The following PIEZO2 variants were observed in gnomAD, a reference collection of about 807,000 sequenced individuals.
The protein encoded by PIEZO2 is piezo type mechanosensitive ion channel component 2.
In PIEZO2, 172 loss-of-function variants were observed where a neutral mutation model predicts 337.3. The ratio of observed to expected loss-of-function variants is 0.51; its 90% CI spans 0.45 to 0.58. The LOEUF (loss-of-function observed/expected upper bound fraction) is 0.58. PIEZO2 is among the 20% of genes least tolerant of loss of function. The pLI is 0.00. For synonymous variants in PIEZO2, 1,251 were observed against 1,228.5 expected (o/e 1.02, Z -0.38); for missense variants, 3,028 against 3,391.3 (o/e 0.89, Z 2.66).
chr18:11,084,422 T>C (rs1182010465), intron 1 of PIEZO2, among the ~76,000 whole-genome samples: 1 of 152,126 alleles, frequency 6.6e-6, no homozygotes, highest in Non-Finnish European at 1.5e-5. Context: ...ATCATTCTTC[T>C]TTCAGGGAAG....
rs371228604 is a variant in PIEZO2, at chr18:11,015,084, G to A, written c.161-35424C>T. On this transcript the variant is annotated intron_variant, in intron 2 of 55. Transcript: ENST00000674853. ...GTGTGGGGAAGATGTCACCCTGGGC[G>A]GGACAGCGATCCGGGGCCCCCCTCA... Among the ~76,000 whole-genome samples, 802 of 125,884 alleles carry A rather than the reference G, an allele frequency of 6.4e-3. 18 individuals carry two copies. Among genetic ancestry groups the A allele is most frequent in the Middle Eastern group, 0.024 (4 of 164 alleles). The allele number at this position is 125,884 out of a possible 152,430, so 82.6% of individuals were successfully genotyped here. A position where few individuals can be genotyped will look rare whatever the true frequency, so the allele number is the denominator to read the frequency against.
chr18:11,013,697 T>C (rs1019023815), intron 2 of PIEZO2, among the ~76,000 whole-genome samples: 3 of 152,192 alleles, frequency 2.0e-5, no homozygotes, highest in African/African-American at 7.2e-5. Context: ...TGCAACATTC[T>C]AATTCATTAG....
At chr18:10,825,139 C>T (rs1229426783) in intron 7 of PIEZO2, among the ~76,000 whole-genome samples, 1 of 152,170 alleles carries the variant, frequency 6.6e-6, no homozygotes, top group Non-Finnish European at 1.5e-5. Flanking sequence ...GCTGGGATTA[C>T]AGGAGTGAGC....
chr18:10,704,290 G>T, intron 42 of PIEZO2, 104 bp downstream of exon 42: 1 of 1,391,328 alleles, frequency 7.2e-7, no homozygotes, highest in Non-Finnish European at 9.5e-7. Context: ...AAACTGTCTG[G>T]GATCAGGGCA....
intron 33 of PIEZO2, among the ~76,000 whole-genome samples, chr18:10,737,245 C>T (rs2037034327): frequency 7.2e-6 from 1 of 139,076 alleles, no homozygotes; most frequent in Non-Finnish European, 1.5e-5. Context: ...GACTTCTCCA[C>T]ATGTAACACA....
Position 11,033,330 on chromosome 18 carries a change from C to T in PIEZO2, c.160+32797G>A, listed in dbSNP as rs12962356. Among the ~76,000 whole-genome samples the T allele has an allele frequency of 0.055, 8,351 of 152,322 alleles. 290 individuals are homozygous for T. Among genetic ancestry groups the T allele is most frequent in the East Asian group, 0.12 (613 of 5,172 alleles). On this transcript the variant is annotated intron_variant, in intron 2 of 55. Transcript: ENST00000674853. The surrounding 1 kb of genome is among the most constrained non-coding windows in gnomAD (Gnocchi z 4.2). ...GACACTAGACCACCAGGACTTAGGG[C>T]AGGACTCCAGCCAGAGTGCAAGATC...
chr18:11,088,902 G>T (rs921369620), intron 1 of PIEZO2, among the ~76,000 whole-genome samples: 1 of 152,200 alleles, frequency 6.6e-6, no homozygotes, highest in Non-Finnish European at 1.5e-5. Context: ...GACTGAGACT[G>T]GGGATGAAGA....
intron 36 of PIEZO2, among the ~76,000 whole-genome samples, chr18:10,731,177 TTATATATATATA>T (rs60508630): frequency 2.3e-3 from 81 of 35,240 alleles, no homozygotes; most frequent in African/African-American, 7.9e-3. Flanking sequence ...ACTTAAAAGA[TTATATATATATA>T]TATATATATA....
chr18:10,752,918 A>G lies in PIEZO2; in HGVS notation c.3924-39T>C, dbSNP rs540167498. ...CCAGTGACAAAAAGACAACAACAAC[A>G]AAACAAACAAAAGCAAAATCAGGAA... On this transcript the variant is annotated intron_variant, in intron 27 of 55. Coordinates refer to ENST00000674853, the MANE Select transcript of PIEZO2 (RefSeq NM_001378183.1). 5.3e-6 allele frequency: 8 copies of G among 1,508,756 alleles called. No individual in the cohort carries two copies. The South Asian group carries it at 6.3e-5, about 12-fold the overall frequency. 93.5% of individuals were successfully genotyped at this position (1,508,756 alleles called of 1,614,324 possible).
chr18:10,700,345 T>C (rs940087410), intron 43 of PIEZO2, among the ~76,000 whole-genome samples: 20 of 152,056 alleles, frequency 1.3e-4, no homozygotes, highest in African/African-American at 4.8e-4. Context: ...GAAAGATTTA[T>C]TTTTTCAAAA....
intron 1 of PIEZO2, among the ~76,000 whole-genome samples, chr18:11,135,346 T>C (rs1028806577): frequency 6.6e-6 from 1 of 152,180 alleles, no homozygotes; most frequent in Admixed American, 6.5e-5. Context: ...TGTACGATTC[T>C]GGTGGGGAAT....
At chr18:10,889,677 A>G (rs2042701686) in intron 4 of PIEZO2, among the ~76,000 whole-genome samples, 1 of 152,220 alleles carries the variant, frequency 6.6e-6, no homozygotes, top group Admixed American at 6.5e-5. Flanking sequence ...CCTGGAAGGT[A>G]CAGGTGAAGC....
intron 27 of PIEZO2, among the ~76,000 whole-genome samples, chr18:10,757,362 G>A (rs1410933863): frequency 3.3e-5 from 5 of 150,428 alleles, no homozygotes; most frequent in Non-Finnish European, 7.4e-5. Flanking sequence ...AGGGTGATGA[G>A]GAGGGATGGG....
At chr18:10,873,021 T>C (rs1158423500) in intron 4 of PIEZO2, among the ~76,000 whole-genome samples, 3 of 152,096 alleles carry the variant, frequency 2.0e-5, no homozygotes, top group Non-Finnish European at 2.9e-5. Context: ...AAGCAAAAGA[T>C]AGGGCAATAT....
chr18:10,953,957 C>A lies in PIEZO2; in HGVS notation c.286+25578G>T, dbSNP rs2033412978. ...GAACTGAAGTCTGTCAGATTGAGGA[C>A]CAGGTGGTGTGCAGCTGGTTCAGCA... On this transcript the variant is annotated intron_variant, in intron 3 of 55. Coordinates refer to ENST00000674853, the MANE Select transcript of PIEZO2 (RefSeq NM_001378183.1). The surrounding 1 kb of genome is among the most constrained non-coding windows in gnomAD (Gnocchi z 5.2). Among the ~76,000 whole-genome samples the A allele has an allele frequency of 6.6e-6, 1 of 152,124 alleles. No individual in the cohort carries two copies. The highest frequency in any genetic ancestry group is 1.5e-5 in the Non-Finnish European group (1 of 68,042).
intron 2 of PIEZO2, among the ~76,000 whole-genome samples, chr18:11,056,063 A>G (rs1454434748): frequency 1.3e-5 from 2 of 152,086 alleles, no homozygotes; most frequent in Admixed American, 1.3e-4. Flanking sequence ...GGAGTGAGGA[A>G]ATCCAGACCC....
chr18:10,928,007 A>G (rs2031852010), intron 3 of PIEZO2, among the ~76,000 whole-genome samples: 1 of 152,134 alleles, frequency 6.6e-6, no homozygotes, highest in Admixed American at 6.5e-5. Context: ...AAAATTTCAC[A>G]AGCATACCCT....
At chr18:10,932,208 C>A (rs1390646274) in intron 3 of PIEZO2, among the ~76,000 whole-genome samples, 2 of 151,992 alleles carry the variant, frequency 1.3e-5, no homozygotes, top group African/African-American at 4.8e-5. Flanking sequence ...CCAGCCTGGG[C>A]AACATGACAA....
At chr18:10,967,237 T>G (rs896414078) in intron 3 of PIEZO2, among the ~76,000 whole-genome samples, 3 of 152,118 alleles carry the variant, frequency 2.0e-5, no homozygotes, top group Non-Finnish European at 4.4e-5. Context: ...CAGGTTGGTC[T>G]CAATCTCCTG....
Sources: allele counts gnomAD v4.1 joint callset (sites outside exome capture counted in the v4.1 genomes callset), GRCh38; gene constraint gnomAD v4.1.1; non-coding constraint Gnocchi (gnomAD v3.1); transcripts MANE v1.5; gene names NCBI Gene and HGNC (gene_info 2026-07-23, HGNC 2026-07-21).